Variants in CACNA1E observed in about 807,000 individuals in gnomAD.
CACNA1E encodes calcium voltage-gated channel subunit alpha1 E.
In CACNA1E, 40 loss-of-function variants were observed where a neutral mutation model predicts 259.2. The observed-to-expected ratio is 0.15, with a 90% CI of 0.12 to 0.20. The LOEUF is 0.20. Among genes scored for constraint, CACNA1E ranks in the 10% least tolerant of loss-of-function variants. CACNA1E has a pLI of 1.00. For synonymous variants in CACNA1E, 1,104 were observed against 1,138.5 expected, an observed-to-expected ratio of 0.97 and a Z score of 0.61; for missense variants, 1,874 against 3,040.1, an observed-to-expected ratio of 0.62 and a Z score of 9.02.
At chr1:181,595,748 A>G (rs1653096232) in intron 6 of CACNA1E, among the ~76,000 whole-genome samples, 2 of 152,120 alleles carry the variant, frequency 1.3e-5, no homozygotes, top group African/African-American at 2.4e-5. Context: ...TGCAGATTCC[A>G]TTGCCTCATT....
At chr1:181,501,677 T>C (rs1665259484) in intron 1 of CACNA1E, among the ~76,000 whole-genome samples, 1 of 151,924 alleles carries the variant, frequency 6.6e-6, no homozygotes, top group Non-Finnish European at 1.5e-5. Flanking sequence ...TTTTTAGGAG[T>C]AGGTGTGATG....
At chr1:181,623,846 G>A (rs1330933799) in intron 6 of CACNA1E, among the ~76,000 whole-genome samples, 1 of 152,208 alleles carries the variant, frequency 6.6e-6, no homozygotes, top group Non-Finnish European at 1.5e-5. Flanking sequence ...TGACTGATCT[G>A]AGTAGTGGTT....
intron 6 of CACNA1E, among the ~76,000 whole-genome samples, chr1:181,605,075 TTGAG>T (rs1654102784): frequency 6.6e-6 from 1 of 151,312 alleles, no homozygotes; most frequent in Non-Finnish European, 1.5e-5. Context: ...TGTCCAGAGA[TTGAG>T]TGAGGGAGGA....
chr1:181,404,045 T>C (rs1307556777), intron 1 of CACNA1E, among the ~76,000 whole-genome samples: 2 of 152,184 alleles, frequency 1.3e-5, no homozygotes, highest in African/African-American at 4.8e-5. Flanking sequence ...AATGTTACCT[T>C]ATACTTCATT....
At chr1:181,536,030 T>A (rs1383614053) in intron 3 of CACNA1E, among the ~76,000 whole-genome samples, 1 of 152,204 alleles carries the variant, frequency 6.6e-6, no homozygotes, top group East Asian at 1.9e-4. Context: ...TCCTCTTTCA[T>A]TGGAAGCATT....
intron 3 of CACNA1E, among the ~76,000 whole-genome samples, chr1:181,515,830 C>T (rs1328378664): frequency 6.6e-6 from 1 of 152,176 alleles, no homozygotes. Flanking sequence ...TGCCCAGTGC[C>T]TGGCATATAG....
intron 2 of CACNA1E, among the ~76,000 whole-genome samples, chr1:181,461,225 T>A (rs1029661025): frequency 6.6e-6 from 1 of 152,156 alleles, no homozygotes; most frequent in African/African-American, 2.4e-5. Flanking sequence ...ATGACTATGA[T>A]AGTACCCCTG....
At chr1:181,511,341 C>T in intron 2 of CACNA1E, 30 bp from the exon 3 acceptor site, 1 of 1,613,110 alleles carries the variant, frequency 6.2e-7, no homozygotes. Flanking sequence ...GTCCTCTTCT[C>T]ACTGGTGCTT....
intron 1 of CACNA1E, among the ~76,000 whole-genome samples, chr1:181,343,435 G>C (rs1388632707): frequency 6.6e-6 from 1 of 152,014 alleles, no homozygotes; most frequent in Non-Finnish European, 1.5e-5. Context: ...AGTGACTGTG[G>C]CACCTCTCCC....
At chr1:181,726,333 G>T (rs569019720) in intron 18 of CACNA1E, among the ~76,000 whole-genome samples, 171 bp downstream of exon 18, 1 of 152,314 alleles carries the variant, frequency 6.6e-6, no homozygotes, top group South Asian at 2.1e-4. Flanking sequence ...TTATTTCAGT[G>T]AGTGAGATAG....
chr1:181,716,048 A>T lies in CACNA1E; in HGVS notation c.1234A>T (p.Arg412Trp). ...CCCTTTCCCTGATGCAGTGCTTCGAAGGGCAACCATCAAGAGGAGCCGGAC... is the reference window on the plus strand; with the variant it reads ...CCCTTTCCCTGATGCAGTGCTTCGATGGGCAACCATCAAGAGGAGCCGGAC... ...AGTSALEVLR[R>W]ATIKRSRTEA... is the part of the protein sequence containing the mutation. Residue 412 changes from arginine to tryptophan, a missense_variant, in exon 10 of 48, where the codon AGG becomes TGG. Transcript: ENST00000367573. The T allele has an allele frequency of 6.4e-7, 1 of 1,567,796 alleles. No individual in the cohort carries two copies. Among genetic ancestry groups the T allele is most frequent in the Non-Finnish European group, 8.7e-7 (1 of 1,155,730 alleles).
At chr1:181,770,101 G>T (rs571772663) in intron 35 of CACNA1E, among the ~76,000 whole-genome samples, 1 of 152,284 alleles carries the variant, frequency 6.6e-6, no homozygotes, top group South Asian at 2.1e-4. Flanking sequence ...GAGCAAAATA[G>T]CTGGGGGCAG....
At chr1:181,745,274 G>T in intron 25 of CACNA1E, 1 of 414,504 alleles carries the variant, frequency 2.4e-6, no homozygotes, top group Non-Finnish European at 4.6e-6. Flanking sequence ...ACTGCCTGTA[G>T]AATATTCACT....
chr1:181,713,827 G>A (rs564512382), intron 8 of CACNA1E, among the ~76,000 whole-genome samples: 104 of 152,252 alleles, frequency 6.8e-4, no homozygotes, highest in Non-Finnish European at 1.3e-3. Context: ...TGCACTTGGA[G>A]GGATGCTAGT....
chr1:181,718,819 G>C (rs745383662), intron 12 of CACNA1E, among the ~76,000 whole-genome samples: 1 of 152,142 alleles, frequency 6.6e-6, no homozygotes, highest in African/African-American at 2.4e-5. Flanking sequence ...GGAGTCCTAT[G>C]AACTACATTA....
intron 2 of CACNA1E, among the ~76,000 whole-genome samples, chr1:181,463,472 C>T (rs1362001718): frequency 6.6e-6 from 1 of 152,114 alleles, no homozygotes; most frequent in Non-Finnish European, 1.5e-5. Flanking sequence ...TCTTCAACAT[C>T]ACTTGAGATG....
intron 1 of CACNA1E, among the ~76,000 whole-genome samples, chr1:181,352,206 T>A (rs1228430327): frequency 6.6e-6 from 1 of 152,144 alleles, no homozygotes; most frequent in East Asian, 1.9e-4. Flanking sequence ...ATGAGAAGTT[T>A]GGGGTGGCAG....
chr1:181,353,155 CCTT>C (rs1402754423), intron 1 of CACNA1E, among the ~76,000 whole-genome samples: 1 of 152,160 alleles, frequency 6.6e-6, no homozygotes, highest in Non-Finnish European at 1.5e-5. Context: ...GAACCAATGA[CCTT>C]CTCCACTAAC....
intron 16 of CACNA1E, 96 bp from the exon 17 acceptor site, chr1:181,724,374 T>G: frequency 1.1e-6 from 1 of 930,872 alleles, no homozygotes; most frequent in Non-Finnish European, 1.7e-6. Flanking sequence ...TCTGTTCCTG[T>G]TAATGTCCCA....
Sources: allele counts gnomAD v4.1 joint callset (sites outside exome capture counted in the v4.1 genomes callset), GRCh38; gene constraint gnomAD v4.1.1; transcripts MANE v1.5; gene names NCBI Gene and HGNC (gene_info 2026-07-23, HGNC 2026-07-21).